Variants in SDK2 observed in about 807,000 individuals in gnomAD.
SDK2 encodes the protein sidekick cell adhesion molecule 2, also known as protein sidekick-2.
A neutral mutation model predicts 253.9 loss-of-function variants in SDK2; 105 were observed. The ratio of observed to expected loss-of-function variants is 0.41; its 90% CI spans 0.35 to 0.49. The LOEUF (loss-of-function observed/expected upper bound fraction) is 0.49. Among genes scored for constraint, SDK2 ranks in the 20% least tolerant of loss-of-function variants. The pLI is 0.06. For synonymous variants in SDK2, 1,249 were observed against 1,234.9 expected (o/e 1.01, Z -0.24); for missense variants, 2,608 against 3,003.0 (o/e 0.87, Z 3.07).
chr17:73,402,127 C>T lies in SDK2; in HGVS notation c.2499G>A (p.Glu833=). The T allele has an allele frequency of 6.2e-7, 1 of 1,613,498 alleles. No homozygotes were observed. Among genetic ancestry groups the T allele is most frequent in the Non-Finnish European group, 8.5e-7 (1 of 1,179,582 alleles). ...TGGTAACCTCCTCTTCCTGTTCCGG[C>T]TCCCAGGCGATCAGCTGCGGAGAGG... is the stretch of plus-strand genomic sequence containing the variant. The part of the protein sequence containing the change: ...INQGYKLIAW[E]PEQEEEVTMV... Residue 833 remains glutamate (E), a synonymous_variant, in exon 19 of 45, where the codon GAG becomes GAA. Coordinates refer to ENST00000392650, the MANE Select transcript of SDK2 (RefSeq NM_001144952.2).
At chr17:73,354,156 C>T (rs1268524207) in intron 40 of SDK2, among the ~76,000 whole-genome samples, 2 of 152,232 alleles carry the variant, frequency 1.3e-5, no homozygotes, top group African/African-American at 4.8e-5. Flanking sequence ...ATCCTCACAT[C>T]TCAGCCTCTC....
intron 12 of SDK2, among the ~76,000 whole-genome samples, chr17:73,424,620 T>A (rs897501778): frequency 6.6e-6 from 1 of 152,246 alleles, no homozygotes; most frequent in South Asian, 2.1e-4. Context: ...GCATCAGTGC[T>A]TGACAATAAA....
chr17:73,424,461 G>A (rs1401106563), intron 12 of SDK2, among the ~76,000 whole-genome samples: 1 of 152,184 alleles, frequency 6.6e-6, no homozygotes, highest in Admixed American at 6.5e-5. Context: ...AAAAAGGAAT[G>A]CAAGTTTCCT....
intron 37 of SDK2, among the ~76,000 whole-genome samples, chr17:73,367,572 G>A (rs564233249): frequency 6.7e-5 from 10 of 149,418 alleles, no homozygotes; most frequent in African/African-American, 2.0e-4. Flanking sequence ...GCACAATCTC[G>A]GCTCACTGCA....
intron 1 of SDK2, among the ~76,000 whole-genome samples, chr17:73,599,885 T>C (rs369453405): frequency 8.5e-4 from 130 of 152,328 alleles, no homozygotes; most frequent in Admixed American, 2.2e-3. Flanking sequence ...TCAGTGAAGG[T>C]AGGTGCCAAG....
At chr17:73,424,474 T>C (rs1302147397) in intron 12 of SDK2, among the ~76,000 whole-genome samples, 1 of 152,194 alleles carries the variant, frequency 6.6e-6, no homozygotes, top group East Asian at 1.9e-4. Context: ...AGTTTCCTCA[T>C]AGTCACATTT....
In SDK2 at chr17:73,435,469, G is replaced by T; in HGVS notation, c.1176C>A (p.Ser392=). ...ACTTACTGGTGACAGCCAGGTAGGT[G>T]GAAGTTTGCACCTCGCCGGCTGCAT... ...ARNAAGEVQT[S]TYLAVTSIAP... Residue 392 remains serine, a synonymous_variant, in exon 9 of 45, where the codon TCC becomes TCA. Coordinates refer to ENST00000392650, the MANE Select transcript of SDK2 (RefSeq NM_001144952.2). The surrounding 1 kb of genome is among the most constrained non-coding windows in gnomAD (Gnocchi z 5.7). 1 of 1,596,302 alleles carries T rather than the reference G, an allele frequency of 6.3e-7. No individual in the cohort carries two copies.
intron 1 of SDK2, among the ~76,000 whole-genome samples, chr17:73,571,411 C>T (rs2023247212): frequency 6.6e-6 from 1 of 152,182 alleles, no homozygotes; most frequent in Non-Finnish European, 1.5e-5. Flanking sequence ...AGTCAAGTTC[C>T]CTGCCCTTTC....
intron 1 of SDK2, among the ~76,000 whole-genome samples, chr17:73,525,136 C>T (rs555806991): frequency 1.3e-5 from 2 of 152,290 alleles, no homozygotes; most frequent in African/African-American, 2.4e-5. Flanking sequence ...AAGGAGTAAG[C>T]GAGAGCTGGC....
intron 8 of SDK2, among the ~76,000 whole-genome samples, chr17:73,436,375 G>T (rs984871958): frequency 6.6e-6 from 1 of 152,052 alleles, no homozygotes; most frequent in African/African-American, 2.4e-5. Context: ...TCAGGAGTTT[G>T]AGATCAACCT....
chr17:73,364,315 G>C (rs1030333134), intron 38 of SDK2, among the ~76,000 whole-genome samples: 1 of 152,162 alleles, frequency 6.6e-6, no homozygotes, highest in African/African-American at 2.4e-5. Flanking sequence ...GTTCCCAGCT[G>C]GGGCCCGGAG....
intron 1 of SDK2, among the ~76,000 whole-genome samples, chr17:73,512,794 C>A (rs2063991566): frequency 6.6e-6 from 1 of 151,972 alleles, no homozygotes; most frequent in South Asian, 2.1e-4. Context: ...GAAATAGACC[C>A]AAATACATAC....
At chr17:73,526,655 G>A (rs569326267) in intron 1 of SDK2, among the ~76,000 whole-genome samples, 2 of 149,186 alleles carry the variant, frequency 1.3e-5, no homozygotes, top group East Asian at 1.9e-4. Flanking sequence ...GTGTATGTGT[G>A]CATATGTGTG....
chr17:73,535,689 G>A (rs1191115351), intron 1 of SDK2, among the ~76,000 whole-genome samples: 2 of 152,212 alleles, frequency 1.3e-5, no homozygotes, highest in Non-Finnish European at 2.9e-5. Context: ...ATTGGGAAGA[G>A]AGGCACACAG....
chr17:73,423,487 G>C lies in SDK2; in HGVS notation c.1796C>G (p.Thr599Ser). The C allele has an allele frequency of 6.3e-7, 1 of 1,591,314 alleles. No individual in the cohort carries two copies. The highest frequency in any genetic ancestry group is 1.1e-5 in the South Asian group (1 of 87,532). Residue 599 changes from threonine to serine, a missense_variant, in exon 14 of 45, where the codon ACT becomes AGT. Transcript: ENST00000392650. Reference sequence around the variant, plus strand: ...GGCTCGCCTTTCCACGGTGCTGAGAGTGGCCACTGGGTGCTCGGGCGCGTG... The same window carrying C: ...GGCTCGCCTTTCCACGGTGCTGAGACTGGCCACTGGGTGCTCGGGCGCGTG... ...LPHAPEHPVA[T>S]LSTVERRAIN...
chr17:73,397,032 TCA>T (rs2062976789), intron 24 of SDK2, among the ~76,000 whole-genome samples: 1 of 152,206 alleles, frequency 6.6e-6, no homozygotes, highest in African/African-American at 2.4e-5. Context: ...AATAATGACT[TCA>T]CAGTGTGGTG....
rs574684500 is a variant in SDK2 at position 73,590,089 on chromosome 17, G to A, written c.64+53936C>T. Among the ~76,000 whole-genome samples the A allele has an allele frequency of 6.6e-5, 10 of 152,342 alleles. No homozygotes were observed. In the East Asian group the frequency reaches 9.6e-4, roughly 15 times the overall value. On this transcript the variant is annotated intron_variant, in intron 1 of 44. Transcript: ENST00000392650. ...TACATGCTGCCTCTTAAACCCACACGGAATCGAAGTCTGGGCTCATCAGGA... is the reference window on the plus strand; with the variant it reads ...TACATGCTGCCTCTTAAACCCACACAGAATCGAAGTCTGGGCTCATCAGGA...
At chr17:73,560,018 C>T (rs1425289224) in intron 1 of SDK2, among the ~76,000 whole-genome samples, 2 of 152,138 alleles carry the variant, frequency 1.3e-5, no homozygotes, top group African/African-American at 4.8e-5. Flanking sequence ...CATCACACCA[C>T]GGGAAGCGGG....
In SDK2 at chr17:73,395,429, C is replaced by G. The variant is rs369555374; in HGVS notation, c.3355-37G>C. 4.5e-6 allele frequency: 7 copies of G among 1,567,570 alleles called. No individual in the cohort carries two copies. ...CAGGGGTGGCAAAGCTGCTATGAGCCAGGCCCCCCACTGTGCAGGGAGGAA... is the reference window on the plus strand; with the variant it reads ...CAGGGGTGGCAAAGCTGCTATGAGCGAGGCCCCCCACTGTGCAGGGAGGAA... On this transcript the variant is annotated intron_variant, in intron 24 of 44. Transcript: ENST00000392650. This position sits in a 1 kb window ranked among gnomAD's most constrained non-coding sequence, Gnocchi z 4.3.
Sources: gnomAD v4.1 joint callset for allele counts (sites outside exome capture counted in the v4.1 genomes callset) on GRCh38, gnomAD v4.1.1 for gene constraint, Gnocchi (gnomAD v3.1) non-coding constraint, MANE v1.5 for transcripts, NCBI Gene and HGNC (gene_info 2026-07-23, HGNC 2026-07-21) for gene names.